NUBPL: variants seen among roughly 807,000 people sequenced by gnomAD.
The protein encoded by NUBPL is NUBP iron-sulfur cluster assembly factor, mitochondrial, also known as iron-sulfur cluster transfer protein NUBPL.
NUBPL carries 31 observed loss-of-function variants against 45.7 expected under a neutral mutation model. The observed-to-expected ratio is 0.68, with a 90% CI of 0.51 to 0.92. The LOEUF is 0.92. NUBPL is among the 40% of genes least tolerant of loss of function. The pLI, the probability that NUBPL is intolerant of heterozygous loss-of-function variation, is 0.00. For synonymous variants in NUBPL, 144 were observed against 140.9 expected, an observed-to-expected ratio of 1.02 and a Z score of -0.15; for missense variants, 401 against 398.7, an observed-to-expected ratio of 1.01 and a Z score of -0.05.
chr14:31,812,223 G>T (rs1414782897), intron 7 of NUBPL, among the ~76,000 whole-genome samples: 1 of 152,198 alleles, frequency 6.6e-6, no homozygotes, highest in African/African-American at 2.4e-5. Context: ...GCTGCGTTTT[G>T]TTCAGCTATG....
chr14:31,850,172 A>G lies in NUBPL; in HGVS notation c.868A>G (p.Ile290Val), dbSNP rs2040515895. 1 of 1,613,956 alleles carries G rather than the reference A, an allele frequency of 6.2e-7. No homozygotes were observed. The highest frequency in any genetic ancestry group is 1.1e-5 in the South Asian group (1 of 91,068). ...GGAAGCTTCAGATACAGGCCAGCCA[A>G]TTGTGTTTTCACAGCCTGAAAGTGA... ...IREASDTGQPIVFSQPESDEA... is the reference protein window; with the variant it reads ...IREASDTGQPVVFSQPESDEA... The change falls in exon 10 of 11, where the codon ATT (isoleucine) becomes GTT (valine). Residue 290 changes from isoleucine (I) to valine (V), a missense_variant. Coordinates refer to ENST00000281081, the MANE Select transcript of NUBPL (RefSeq NM_025152.3).
rs71986817 is a variant in NUBPL, at chr14:31,732,609, C to CTT, written c.514-55152_514-55151dup. On this transcript the variant is annotated intron_variant, in intron 6 of 10. Coordinates refer to ENST00000281081, the MANE Select transcript of NUBPL (RefSeq NM_025152.3). ...TAAGTCCAGCTTATCAATTTGTTCTCTTTTTTTTTTTTTTTTTTTTGAGAT... is the reference window on the plus strand; with the variant it reads ...TAAGTCCAGCTTATCAATTTGTTCTCTTTTTTTTTTTTTTTTTTTTTTGAGAT... Among the ~76,000 whole-genome samples the CTT allele has an allele frequency of 2.3e-4, 19 of 81,038 alleles. 1 individual carries two copies. Among genetic ancestry groups the CTT allele is most frequent in the African/African-American group, 8.9e-4 (18 of 20,136 alleles). The allele number at this position is 81,038 out of a possible 152,430, so 53.2% of individuals were successfully genotyped here. A position where few individuals can be genotyped will look rare whatever the true frequency, so the allele number is the denominator to read the frequency against.
At chr14:31,677,859 G>T (rs1439299661) in intron 6 of NUBPL, among the ~76,000 whole-genome samples, 4 of 152,198 alleles carry the variant, frequency 2.6e-5, no homozygotes, top group African/African-American at 9.6e-5. Context: ...AGGTGGCAAA[G>T]CGAGACAGGC....
At chr14:31,848,770 T>C (rs2040492891) in intron 9 of NUBPL, among the ~76,000 whole-genome samples, 1 of 152,178 alleles carries the variant, frequency 6.6e-6, no homozygotes, top group African/African-American at 2.4e-5. Flanking sequence ...TGTCTGTAGG[T>C]AGGATTGTGA....
intron 7 of NUBPL, among the ~76,000 whole-genome samples, chr14:31,816,991 C>A (rs1363383326): frequency 6.6e-6 from 1 of 151,798 alleles, no homozygotes; most frequent in Admixed American, 6.6e-5. Flanking sequence ...ACATAAATGA[C>A]CTGATGGAGC....
chr14:31,677,488 G>A (rs900037947), intron 6 of NUBPL, among the ~76,000 whole-genome samples: 1 of 152,214 alleles, frequency 6.6e-6, no homozygotes, highest in Non-Finnish European at 1.5e-5. Flanking sequence ...GGACTTGAGT[G>A]TTGTGATCTA....
chr14:31,699,267 T>G (rs920224238), intron 6 of NUBPL, among the ~76,000 whole-genome samples: 2 of 152,268 alleles, frequency 1.3e-5, no homozygotes, highest in Non-Finnish European at 2.9e-5. Flanking sequence ...AGCATCTAAA[T>G]GTGGTGTATT....
chr14:31,751,772 C>T (rs1257230839), intron 6 of NUBPL, among the ~76,000 whole-genome samples: 1 of 152,222 alleles, frequency 6.6e-6, no homozygotes, highest in Non-Finnish European at 1.5e-5. Context: ...GGGTTTCAAA[C>T]CCCATATTTT....
chr14:31,773,398 T>G (rs2039043913), intron 6 of NUBPL, among the ~76,000 whole-genome samples: 1 of 152,154 alleles, frequency 6.6e-6, no homozygotes, highest in African/African-American at 2.4e-5. Context: ...TGAACACTGG[T>G]TAGATATTGT....
intron 6 of NUBPL, among the ~76,000 whole-genome samples, chr14:31,752,465 A>G (rs2038553356): frequency 6.6e-6 from 1 of 152,214 alleles, no homozygotes; most frequent in Non-Finnish European, 1.5e-5. Context: ...AAATGCTACC[A>G]GTCTCTTCGC....
At chr14:31,634,536 C>T (rs1283414027) in intron 4 of NUBPL, among the ~76,000 whole-genome samples, 1 of 152,058 alleles carries the variant, frequency 6.6e-6, no homozygotes. Flanking sequence ...GTGAATAGTG[C>T]TGCTATAAAC....
chr14:31,820,046 A>G (rs935223969), intron 7 of NUBPL, among the ~76,000 whole-genome samples: 1 of 151,176 alleles, frequency 6.6e-6, no homozygotes, highest in Non-Finnish European at 1.5e-5. Context: ...AGGCTGAGGC[A>G]GGAGAATGGC....
chr14:31,850,191 A>G lies in NUBPL; in HGVS notation c.887A>G (p.Glu296Gly). ...CAGCCAATTGTGTTTTCACAGCCTG[A>G]AAGTGATGAGGTAAGTTCCATTTTT... ...TGQPIVFSQP[E>G]SDEAKAYLRI... The change falls in exon 10 of 11, where the codon GAA becomes GGA. Residue 296 changes from glutamate to glycine, a missense_variant. Glu to Gly is a moderately conservative substitution (Grantham distance 98). Coordinates refer to ENST00000281081, the MANE Select transcript of NUBPL (RefSeq NM_025152.3). The G allele has an allele frequency of 6.2e-7, 1 of 1,613,186 alleles. No individual in the cohort carries two copies. Among genetic ancestry groups the G allele is most frequent in the Non-Finnish European group, 8.5e-7 (1 of 1,179,168 alleles).
At chr14:31,620,515 T>G (rs2035030788) in intron 4 of NUBPL, among the ~76,000 whole-genome samples, 1 of 152,244 alleles carries the variant, frequency 6.6e-6, no homozygotes, top group African/African-American at 2.4e-5. Flanking sequence ...TGTTTGTTAC[T>G]TTATCTTCTA....
chr14:31,644,727 C>T (rs2035797517), intron 4 of NUBPL, among the ~76,000 whole-genome samples: 1 of 152,000 alleles, frequency 6.6e-6, no homozygotes, highest in Admixed American at 6.6e-5. Context: ...GATGATCCAT[C>T]CTTTACTGAG....
chr14:31,708,769 G>A (rs547881599), intron 6 of NUBPL, among the ~76,000 whole-genome samples: 1 of 152,294 alleles, frequency 6.6e-6, no homozygotes, highest in Non-Finnish European at 1.5e-5. Context: ...CTTGTTCCGG[G>A]CACCCTCAGT....
At chr14:31,601,293 A>G (rs1483915448) in intron 4 of NUBPL, among the ~76,000 whole-genome samples, 2 of 152,204 alleles carry the variant, frequency 1.3e-5, no homozygotes, top group Non-Finnish European at 2.9e-5. Context: ...CTGTGAAGAA[A>G]GTCATTGGTA....
rs34188934 is a variant in NUBPL at position 31,599,924 on chromosome 14, CTTTTTTTTTTT to C, written c.382+550_382+560del. ...ATCATATACTTTACTAGTTTTTTTT[CTTTTTTTTTTT>C]TTTTGAGACAGAGTCCCACCCTGCT... On this transcript the variant is annotated intron_variant, in intron 4 of 10. Transcript: ENST00000281081. 7.9e-4 allele frequency among the ~76,000 whole-genome samples: 107 copies of C among 135,292 alleles called. No individual in the cohort carries two copies. In the East Asian group the frequency reaches 0.021, roughly 27 times the overall value. 88.8% of individuals were successfully genotyped at this position (135,292 alleles called of 152,430 possible).
intron 7 of NUBPL, among the ~76,000 whole-genome samples, chr14:31,821,583 G>A (rs2040019462): frequency 6.6e-6 from 1 of 152,218 alleles, no homozygotes; most frequent in South Asian, 2.1e-4. Context: ...GTCACTGTTG[G>A]TAGGAATGTA....
Sources: gnomAD v4.1 joint callset for allele counts (sites outside exome capture counted in the v4.1 genomes callset) on GRCh38, gnomAD v4.1.1 for gene constraint, MANE v1.5 for transcripts, NCBI Gene and HGNC (gene_info 2026-07-23, HGNC 2026-07-21) for gene names.